The following TEX9 variants were observed in gnomAD, a reference collection of about 807,000 sequenced individuals.
The protein encoded by TEX9 is testis-expressed protein 9.
TEX9 carries 74 observed loss-of-function variants against 59.6 expected under a neutral mutation model. The ratio of observed to expected loss-of-function variants is 1.24; its 90% CI spans 1.03 to 1.51. TEX9 has a LOEUF of 1.51. Ranked by LOEUF, TEX9 falls within the 40% of genes most tolerant of loss-of-function variation. The probability of loss-of-function intolerance (pLI) is 0.00; values close to 1 mark genes in which losing one functional copy is unlikely to be tolerated. For missense variants in TEX9, 522 were observed against 447.8 expected, an observed-to-expected ratio of 1.17 and a Z score of -1.49; for synonymous variants, 186 against 152.2, an observed-to-expected ratio of 1.22 and a Z score of -1.64.
intron 9 of TEX9, among the ~76,000 whole-genome samples, chr15:56,404,665 A>G (rs528386762): frequency 2.6e-4 from 40 of 152,234 alleles, no homozygotes; most frequent in Non-Finnish European, 5.0e-4. Flanking sequence ...TCATGCTACT[A>G]TAAAGACACA....
intron 1 of TEX9, among the ~76,000 whole-genome samples, chr15:56,275,179 C>G (rs749596540): frequency 3.5e-4 from 53 of 152,178 alleles, no homozygotes; most frequent in Non-Finnish European, 6.0e-4. Flanking sequence ...TTTTGTGGCT[C>G]CTCCCCCAAC....
At chr15:56,287,480 A>G (rs79648358) in intron 1 of TEX9, among the ~76,000 whole-genome samples, 6,701 of 152,306 alleles carry the variant, frequency 0.044, 223 homozygotes, top group Admixed American at 0.086. Context: ...ACATCATAGA[A>G]TGGCCAAACA....
intron 1 of TEX9, among the ~76,000 whole-genome samples, chr15:56,331,091 G>A (rs1156999133): frequency 6.6e-6 from 1 of 152,168 alleles, no homozygotes; most frequent in African/African-American, 2.4e-5. Flanking sequence ...GGTCAATTCA[G>A]TGACAAGATA....
chr15:56,272,730 A>G (rs972998995), intron 1 of TEX9, among the ~76,000 whole-genome samples: 1 of 152,110 alleles, frequency 6.6e-6, no homozygotes, highest in East Asian at 1.9e-4. Flanking sequence ...TTCCCAATAG[A>G]TTTGACTTAA....
At chr15:56,399,765 G>A (rs2048679206) in intron 9 of TEX9, among the ~76,000 whole-genome samples, 1 of 152,230 alleles carries the variant, frequency 6.6e-6, no homozygotes, top group Non-Finnish European at 1.5e-5. Context: ...GCTCCCGGAG[G>A]AAGCATCAGC....
chr15:56,406,405 A>G lies in TEX9; in HGVS notation c.829-5897A>G, dbSNP rs116081483. On this transcript the variant is annotated intron_variant, in intron 9 of 12. Transcript: ENST00000352903. Reference sequence around the variant, plus strand: ...CTAGTGTGGGCTATTAAAAATCCACAGTGAATTTCCATGTACAAGTATTCT... The same window carrying G: ...CTAGTGTGGGCTATTAAAAATCCACGGTGAATTTCCATGTACAAGTATTCT... 9.8e-3 allele frequency among the ~76,000 whole-genome samples: 1,489 copies of G among 152,284 alleles called. 20 individuals are homozygous for G. Among genetic ancestry groups the G allele is most frequent in the African/African-American group, 0.034 (1,405 of 41,584 alleles).
intron 1 of TEX9, among the ~76,000 whole-genome samples, chr15:56,246,734 C>G (rs975412899): frequency 6.6e-6 from 1 of 152,204 alleles, no homozygotes; most frequent in Non-Finnish European, 1.5e-5. Context: ...ATTACCCAAC[C>G]CTGAGGAGCC....
chr15:56,390,837 G>C (rs117190779), intron 6 of TEX9, among the ~76,000 whole-genome samples: 1 of 152,014 alleles, frequency 6.6e-6, no homozygotes, highest in African/African-American at 2.4e-5. Context: ...CTCTAGAAGC[G>C]TGTAAATTTA....
chr15:56,354,331 G>A (rs2046644394), intron 1 of TEX9, among the ~76,000 whole-genome samples: 1 of 152,090 alleles, frequency 6.6e-6, no homozygotes, highest in Non-Finnish European at 1.5e-5. Context: ...TTAAACTACT[G>A]TTACTGCTTT....
intron 9 of TEX9, chr15:56,408,790 A>G (rs2049203002): frequency 6.6e-6 from 1 of 152,172 alleles, no homozygotes; most frequent in Non-Finnish European, 1.5e-5. Context: ...AGAATAAACC[A>G]CTTCTCAAAA....
At chr15:56,317,900 A>G (rs1455123564) in intron 1 of TEX9, among the ~76,000 whole-genome samples, 1 of 152,178 alleles carries the variant, frequency 6.6e-6, no homozygotes, top group Non-Finnish European at 1.5e-5. Flanking sequence ...TTTATGGCCT[A>G]ACATATGATC....
the TEX9 span, among the ~76,000 whole-genome samples, chr15:56,454,605 T>A: frequency 2.0e-5 from 3 of 152,248 alleles, no homozygotes; most frequent in East Asian, 5.8e-4. Context: ...ACTGTTGGAT[T>A]TTAAAAGTTT....
chr15:56,426,098 A>G (rs1374868546), intron 10 of TEX9, among the ~76,000 whole-genome samples: 1 of 152,066 alleles, frequency 6.6e-6, no homozygotes, highest in Non-Finnish European at 1.5e-5. Flanking sequence ...TGGACTCACT[A>G]CACCTCTCAC....
intron 2 of TEX9, among the ~76,000 whole-genome samples, chr15:56,369,102 T>C (rs1447818811): frequency 6.6e-6 from 1 of 152,176 alleles, no homozygotes; most frequent in African/African-American, 2.4e-5. Context: ...TAGTTCTAAA[T>C]ATTATACGAT....
At chr15:56,265,805 C>A (rs1203584096) in intron 1 of TEX9, among the ~76,000 whole-genome samples, 1 of 151,910 alleles carries the variant, frequency 6.6e-6, no homozygotes, top group East Asian at 1.9e-4. Context: ...AAAGAATATT[C>A]TCTTGTGTGG....
At chr15:56,427,762 A>C (rs1596242660) in intron 11 of TEX9, 23 bp downstream of exon 11, 1 of 1,423,476 alleles carries the variant, frequency 7.0e-7, no homozygotes. Context: ...TTAAAGTTAA[A>C]TCATCATATT....
chr15:56,392,527 A>G (rs1250253868), intron 7 of TEX9, among the ~76,000 whole-genome samples: 2 of 152,170 alleles, frequency 1.3e-5, no homozygotes, highest in Non-Finnish European at 1.5e-5. Flanking sequence ...CCCCACCTCC[A>G]ACACTGGGGA....
chr15:56,293,190 A>G (rs1292785228), intron 1 of TEX9, among the ~76,000 whole-genome samples: 1 of 151,866 alleles, frequency 6.6e-6, no homozygotes, highest in South Asian at 2.1e-4. Flanking sequence ...AAAAAAAATG[A>G]GCAGGGCATA....
At chr15:56,366,021 T>C in intron 2 of TEX9, 1 of 578,890 alleles carries the variant, frequency 1.7e-6, no homozygotes, top group Non-Finnish European at 2.3e-6. Flanking sequence ...TCGCTTAATA[T>C]CAAGTTCATA....
Sources: allele counts gnomAD v4.1 joint callset (sites outside exome capture counted in the v4.1 genomes callset), GRCh38; gene constraint gnomAD v4.1.1; transcripts MANE v1.5; gene names NCBI Gene and HGNC (gene_info 2026-07-23, HGNC 2026-07-21).